Variants in ELK3 observed in about 807,000 individuals in gnomAD.
The protein encoded by ELK3 is ETS transcription factor ELK3.
In ELK3, 10 loss-of-function variants were observed where a neutral mutation model predicts 28.9. The ratio of observed to expected loss-of-function variants is 0.35; its 90% CI spans 0.21 to 0.59. The LOEUF is 0.59. Among genes scored for constraint, ELK3 ranks in the 20% least tolerant of loss-of-function variants. The pLI is 0.82. For synonymous variants in ELK3, 272 were observed against 243.5 expected (o/e 1.12, Z -1.09); for missense variants, 463 against 517.3 (o/e 0.90, Z 1.02).
At chr12:96,202,120 G>T (rs1054240957) in intron 1 of ELK3, among the ~76,000 whole-genome samples, 6 of 152,170 alleles carry the variant, frequency 3.9e-5, no homozygotes. Context: ...CTCTGCACCC[G>T]CTCTGATCCC....
At chr12:96,253,318 T>TA (rs1168679162) in intron 3 of ELK3, among the ~76,000 whole-genome samples, 4 of 152,208 alleles carry the variant, frequency 2.6e-5, no homozygotes, top group African/African-American at 9.6e-5. Flanking sequence ...ACTTCATTAT[T>TA]GTCTTATTTT....
chr12:96,255,850 C>CAT (rs1199772149), intron 3 of ELK3, among the ~76,000 whole-genome samples: 1 of 152,068 alleles, frequency 6.6e-6, no homozygotes, highest in Non-Finnish European at 1.5e-5. Context: ...AGTAAGTCAC[C>CAT]ATATATAGGG....
At chr12:96,223,862 A>G (rs556461795) in intron 2 of ELK3, 89 bp downstream of exon 2, 11 of 1,329,688 alleles carry the variant, frequency 8.3e-6, no homozygotes, top group South Asian at 7.6e-5. Context: ...ATAGCGTGCT[A>G]TGAATCAAGT....
intron 1 of ELK3, among the ~76,000 whole-genome samples, chr12:96,217,663 C>G (rs933887417): frequency 6.6e-6 from 1 of 152,136 alleles, no homozygotes; most frequent in South Asian, 2.1e-4. Context: ...CAGCTGGGCA[C>G]AGTGGCTCAC....
At chr12:96,224,351 G>C (rs559731951) in intron 2 of ELK3, among the ~76,000 whole-genome samples, 92 of 148,470 alleles carry the variant, frequency 6.2e-4, no homozygotes, top group African/African-American at 2.3e-3. Flanking sequence ...TCCTGTCTCA[G>C]GATTGTGATG....
intron 2 of ELK3, among the ~76,000 whole-genome samples, chr12:96,245,881 T>C (rs1951851641): frequency 6.6e-6 from 1 of 152,226 alleles, no homozygotes; most frequent in African/African-American, 2.4e-5. Context: ...GCTTTTCATT[T>C]ATAGCCTAAT....
intron 1 of ELK3, among the ~76,000 whole-genome samples, chr12:96,201,663 C>T (rs1329621550): frequency 1.3e-5 from 2 of 150,356 alleles, no homozygotes; most frequent in Non-Finnish European, 3.0e-5. Flanking sequence ...TATTTGTGTA[C>T]TGCTATATTT....
chr12:96,236,011 A>G (rs1951780379), intron 2 of ELK3, among the ~76,000 whole-genome samples: 1 of 152,000 alleles, frequency 6.6e-6, no homozygotes, highest in Admixed American at 6.5e-5. Flanking sequence ...TTTTTAGTAG[A>G]GATGGGGTTT....
chr12:96,241,159 T>C (rs1219339844), intron 2 of ELK3, among the ~76,000 whole-genome samples: 1 of 152,112 alleles, frequency 6.6e-6, no homozygotes, highest in Non-Finnish European at 1.5e-5. Flanking sequence ...CCGTGGAAAA[T>C]TGTGTCTTTC....
chr12:96,235,128 G>A (rs1454334508), intron 2 of ELK3, among the ~76,000 whole-genome samples: 1 of 151,934 alleles, frequency 6.6e-6, no homozygotes, highest in Non-Finnish European at 1.5e-5. Context: ...CCCAGCTCTC[G>A]GCGGCCTCCA....
chr12:96,233,142 A>C (rs547037557), intron 2 of ELK3, among the ~76,000 whole-genome samples: 1 of 152,140 alleles, frequency 6.6e-6, no homozygotes, highest in Admixed American at 6.5e-5. Context: ...AGTTGGCCCT[A>C]TCACACCTTC....
At chr12:96,256,478 G>A (rs1411932816) in intron 3 of ELK3, among the ~76,000 whole-genome samples, 2 of 152,102 alleles carry the variant, frequency 1.3e-5, no homozygotes, top group East Asian at 3.9e-4. Context: ...AAGGTGCTGA[G>A]CTTCATGAAG....
At chr12:96,233,114 A>G (rs1016425501) in intron 2 of ELK3, among the ~76,000 whole-genome samples, 15 of 152,100 alleles carry the variant, frequency 9.9e-5, no homozygotes, top group African/African-American at 3.6e-4. Context: ...CCATGAATCT[A>G]TTTCTCTCTG....
In ELK3 at chr12:96,247,175, T is replaced by C. The variant is rs1951863162; in HGVS notation, c.443T>C (p.Ile148Thr). The C allele has an allele frequency of 6.2e-7, 1 of 1,614,114 alleles. No individual in the cohort carries two copies. The highest frequency in any genetic ancestry group is 1.7e-5 in the Admixed American group (1 of 60,020). Residue 148 changes from isoleucine (I) to threonine (T), a missense_variant, in exon 3 of 5, where the codon ATT (isoleucine) becomes ACT (threonine). By Grantham distance (89) the Ile-to-Thr change is moderately conservative (BLOSUM62 -1). Around this residue, in one of 2 missense-constraint regions of ELK3, gnomAD observed 408 missense variants for 414.8 expected, o/e 0.98. Coordinates refer to ENST00000228741, the MANE Select transcript of ELK3 (RefSeq NM_005230.4). This position sits in a 1 kb window ranked among gnomAD's most constrained non-coding sequence, Gnocchi z 5.5. ...IHSGLYSSFT[I>T]NSLQNPPDAF... ...TCAGGCCTGTACTCGTCCTTCACCA[T>C]TAATTCCCTGCAGAACCCACCAGAC...
intron 3 of ELK3, among the ~76,000 whole-genome samples, chr12:96,256,435 A>G (rs572156364): frequency 2.0e-4 from 30 of 152,124 alleles, no homozygotes; most frequent in African/African-American, 7.2e-4. Flanking sequence ...CTGTTGACAG[A>G]AGGGGAAGAG....
At position 96,247,691 on chromosome 12, in the gene ELK3, C is replaced by A. The variant is rs757095557; in HGVS notation, c.959C>A (p.Ala320Asp). Residue 320 changes from alanine (A) to aspartate (D), a missense_variant, in exon 3 of 5, where the codon GCC (alanine) becomes GAC (aspartate). Ala to Asp is a moderately radical substitution (Grantham distance 126, BLOSUM62 -2). Around this residue, in one of 2 missense-constraint regions of ELK3, gnomAD observed 408 missense variants for 414.8 expected, o/e 0.98. Coordinates refer to ENST00000228741, the MANE Select transcript of ELK3 (RefSeq NM_005230.4). This position sits in a 1 kb window ranked among gnomAD's most constrained non-coding sequence, Gnocchi z 5.5. ...DIGSIALNSP[A>D]LPSGSLTPAF... is the part of the protein sequence containing the mutation. ...GGCTCCATCGCCCTCAACAGCCCAG[C>A]CCTCCCCTCGGGATCCCTCACCCCA... 3 of 1,607,642 alleles carry A rather than the reference C, an allele frequency of 1.9e-6. No homozygotes were observed. The highest frequency in any genetic ancestry group is 2.7e-5 in the African/African-American group (2 of 74,744).
intron 1 of ELK3, among the ~76,000 whole-genome samples, chr12:96,215,785 A>T (rs949222464): frequency 6.6e-6 from 1 of 151,770 alleles, no homozygotes; most frequent in African/African-American, 2.4e-5. Flanking sequence ...ACAGGCGCGG[A>T]CCACCAGACA....
chr12:96,210,549 C>T (rs948295053), intron 1 of ELK3, among the ~76,000 whole-genome samples: 2 of 125,972 alleles, frequency 1.6e-5, no homozygotes, highest in African/African-American at 6.0e-5. Flanking sequence ...TTCCACCGCC[C>T]TGCGCGCGGG....
At chr12:96,264,634 A>G (rs1952016547) in intron 4 of ELK3, among the ~76,000 whole-genome samples, 1 of 151,888 alleles carries the variant, frequency 6.6e-6, no homozygotes, top group Non-Finnish European at 1.5e-5. Flanking sequence ...AAAATACAAA[A>G]ATTGGCCACG....
Sources: allele counts gnomAD v4.1 joint callset (sites outside exome capture counted in the v4.1 genomes callset), GRCh38; gene constraint gnomAD v4.1.1; regional missense constraint gnomAD v4.1.1; non-coding constraint Gnocchi (gnomAD v3.1); transcripts MANE v1.5; gene names NCBI Gene and HGNC (gene_info 2026-07-23, HGNC 2026-07-21).